The following ASPM variants were observed in gnomAD, a reference collection of about 807,000 sequenced individuals.
ASPM encodes the protein assembly factor for spindle microtubules.
Under a neutral mutation model 366.4 loss-of-function variants are expected in ASPM, and 256 were observed. That is an observed-to-expected ratio of 0.70 (90% CI 0.63 to 0.77). The LOEUF (loss-of-function observed/expected upper bound fraction) is 0.77. ASPM is among the 30% of genes least tolerant of loss of function. The pLI, the probability that ASPM is intolerant of heterozygous loss-of-function variation, is 0.00. For missense variants in ASPM, 4,146 were observed against 4,090.4 expected (o/e 1.01, Z -0.37); for synonymous variants, 1,414 against 1,342.9 (o/e 1.05, Z -1.16).
chr1:197,088,034 T>A (rs1454470322), intron 26 of ASPM, among the ~76,000 whole-genome samples: 2 of 152,224 alleles, frequency 1.3e-5, no homozygotes, highest in Non-Finnish European at 2.9e-5. Flanking sequence ...TGGTTACTTA[T>A]ATGGCTGTAA....
rs182354594 is a variant in ASPM at position 197,094,095 on chromosome 1, A to G, written c.9073T>C (p.Leu3025=). 1.9e-6 allele frequency: 3 copies of G among 1,582,488 alleles called. No individual in the cohort carries two copies. The highest frequency in any genetic ancestry group is 2.6e-6 in the Non-Finnish European group (3 of 1,156,170). The stretch of plus-strand genomic sequence containing the variant: ...TTTTTAATACCTACTTTTATCATTA[A>G]GAAGTGTTCATGAGCTATCTTTGCA... ...LPAKIAHEHF[L]MIKRHRAACL... The change falls in exon 20 of 28, where the codon TTA becomes CTA. Residue 3025 remains leucine (L), a synonymous_variant. Coordinates refer to ENST00000367409, the MANE Select transcript of ASPM (RefSeq NM_018136.5).
intron 4 of ASPM, chr1:197,138,740 A>G (rs1295255140): frequency 4.2e-6 from 3 of 706,738 alleles, no homozygotes; most frequent in Non-Finnish European, 7.7e-6. Context: ...GAAAATTAAG[A>G]GAAACGATTA....
chr1:197,121,405 C>T (rs1209246257), intron 16 of ASPM, among the ~76,000 whole-genome samples: 1 of 152,056 alleles, frequency 6.6e-6, no homozygotes, highest in Non-Finnish European at 1.5e-5. Context: ...AACCAAAATA[C>T]CACTTTTAAA....
intron 20 of ASPM, 110 bp downstream of exon 20, chr1:197,093,974 C>CT (rs1656879637): frequency 4.0e-6 from 3 of 747,022 alleles, no homozygotes; most frequent in South Asian, 3.9e-5. Context: ...CTTAAAAACA[C>CT]TTTTTTTCCA....
At chr1:197,124,422 G>A in intron 12 of ASPM, 91 bp from the exon 13 acceptor site, 2 of 943,718 alleles carry the variant, frequency 2.1e-6, no homozygotes, top group Non-Finnish European at 1.6e-6. Flanking sequence ...CTTCTATTTA[G>A]AGAAACTGTA....
At chr1:197,096,699 T>C (rs1312744906) in intron 18 of ASPM, among the ~76,000 whole-genome samples, 1 of 151,730 alleles carries the variant, frequency 6.6e-6, no homozygotes, top group Non-Finnish European at 1.5e-5. Context: ...CTACAACTTA[T>C]TGAACTAAGC....
intron 20 of ASPM, 97 bp downstream of exon 20, chr1:197,093,987 G>T (rs1342767189): frequency 6.1e-6 from 5 of 823,076 alleles, no homozygotes; most frequent in Non-Finnish European, 7.6e-6. Flanking sequence ...TTTTTCCAGC[G>T]AAGGATTTAT....
Position 197,094,066 on chromosome 1 carries a change from T to C in ASPM, c.9084+18A>G. The C allele has an allele frequency of 7.1e-7, 1 of 1,418,046 alleles. No individual in the cohort carries two copies. The highest frequency in any genetic ancestry group is 9.8e-7 in the Non-Finnish European group (1 of 1,017,556). The allele number at this position is 1,418,046 out of a possible 1,614,324, so 87.8% of individuals were successfully genotyped here. ...CCTAAAGTAGTTATTTGCAAGTGAA[T>C]TAATTTTTAATACCTACTTTTATCA... is the stretch of plus-strand genomic sequence containing the variant. On this transcript the variant is annotated intron_variant, in intron 20 of 27. Coordinates refer to ENST00000367409, the MANE Select transcript of ASPM (RefSeq NM_018136.5).
intron 18 of ASPM, among the ~76,000 whole-genome samples, chr1:197,099,072 T>C (rs1657073234): frequency 6.6e-6 from 1 of 151,668 alleles, no homozygotes; most frequent in African/African-American, 2.4e-5. Flanking sequence ...TCCTTGTTCA[T>C]GCTCTATATA....
At position 197,100,400 on chromosome 1, in the gene ASPM, A is replaced by G. The variant is rs1262903675; in HGVS notation, c.8820+31T>C. ...AATATTGGTCAAAAGAAAGACTCAC[A>G]GTTTTATATTTAAATTAAATATAGA... On this transcript the variant is annotated intron_variant, in intron 18 of 27. Coordinates refer to ENST00000367409, the MANE Select transcript of ASPM (RefSeq NM_018136.5). 2.2e-6 allele frequency: 3 copies of G among 1,338,170 alleles called. No homozygotes were observed. In the East Asian group the frequency reaches 7.6e-5, roughly 34 times the overall value. The allele number at this position is 1,338,170 out of a possible 1,614,324, so 82.9% of individuals were successfully genotyped here.
rs1320344035 is a variant in ASPM at position 197,146,199 on chromosome 1, G to A, written c.239C>T (p.Ser80Phe). ...GCCCAGGTCCGCGGCCGGGAAGTGG[G>A]AGATCTTCACTTCTGCCACCTCCTC... ...PNEEVAEVKISHFPAADLGFS... is the reference protein window; with the variant it reads ...PNEEVAEVKIFHFPAADLGFS... The change falls in exon 1 of 28, where the codon TCC (serine) becomes TTC (phenylalanine). Residue 80 changes from serine (S) to phenylalanine (F), a missense_variant. Transcript: ENST00000367409. The A allele has an allele frequency of 4.3e-6, 7 of 1,614,056 alleles. No individual in the cohort carries two copies. The highest frequency in any genetic ancestry group is 1.7e-5 in the Admixed American group (1 of 60,026).
At position 197,146,439 on chromosome 1, in the gene ASPM, G is replaced by T; in HGVS notation, c.-2C>A. Reference sequence around the variant, plus strand: ...TCGCCCCACTCGCCGGTTCGCCATGGCAGATTCGAGACCCCTCCTGGATCT... The same window carrying T: ...TCGCCCCACTCGCCGGTTCGCCATGTCAGATTCGAGACCCCTCCTGGATCT... On this transcript the variant is annotated 5_prime_UTR_variant, in exon 1 of 28. Coordinates refer to ENST00000367409, the MANE Select transcript of ASPM (RefSeq NM_018136.5). 1 of 1,606,314 alleles carries T rather than the reference G, an allele frequency of 6.2e-7. No individual in the cohort carries two copies. Among genetic ancestry groups the T allele is most frequent in the Non-Finnish European group, 8.5e-7 (1 of 1,179,460 alleles).
intron 19 of ASPM, among the ~76,000 whole-genome samples, chr1:197,095,635 C>A (rs976257017): frequency 2.0e-5 from 3 of 151,546 alleles, no homozygotes; most frequent in African/African-American, 7.3e-5. Context: ...CAAATTTTGC[C>A]AGTAGTTAAG....
intron 7 of ASPM, 115 bp downstream of exon 7, chr1:197,132,170 A>G: frequency 1.3e-6 from 1 of 779,658 alleles, no homozygotes; most frequent in Non-Finnish European, 2.0e-6. Flanking sequence ...GAATCAAGCT[A>G]ACCTAATGAC....
At chr1:197,141,975 A>G (rs1658597002) in intron 3 of ASPM, among the ~76,000 whole-genome samples, 1 of 152,198 alleles carries the variant, frequency 6.6e-6, no homozygotes, top group South Asian at 2.1e-4. Flanking sequence ...GGCTGCCTCA[A>G]ACAAACAGTA....
In ASPM at chr1:197,103,825, T is replaced by C. The variant is rs1416589127; in HGVS notation, c.5426A>G (p.Gln1809Arg). ...TACTTTATAACCTCTGTAAGCTGCT[T>C]GCAAGCAAGTAGCTGCTTTTTTGAC... ...LQVKKAATCLQAAYRGYKVRQ... is the reference protein window; with the variant it reads ...LQVKKAATCLRAAYRGYKVRQ... The change falls in exon 18 of 28, where the codon CAA becomes CGA. Residue 1809 changes from glutamine to arginine, a missense_variant. By Grantham distance (43) the Gln-to-Arg change is conservative (BLOSUM62 1). Coordinates refer to ENST00000367409, the MANE Select transcript of ASPM (RefSeq NM_018136.5). The C allele has an allele frequency of 6.2e-7, 1 of 1,612,928 alleles. No homozygotes were observed.
At chr1:197,094,001 TA>T in intron 20 of ASPM, 82 bp downstream of exon 20, 2 of 987,846 alleles carry the variant, frequency 2.0e-6, no homozygotes, top group Non-Finnish European at 3.0e-6. Context: ...GATTTATTTT[TA>T]AAAATTAAAA....
intron 10 of ASPM, 93 bp downstream of exon 10, chr1:197,128,397 G>T: frequency 2.4e-6 from 3 of 1,259,668 alleles, no homozygotes; most frequent in Non-Finnish European, 3.4e-6. Context: ...TGTACTACTT[G>T]AAAGAGCAAG....
intron 16 of ASPM, among the ~76,000 whole-genome samples, chr1:197,118,833 A>G (rs777840410): frequency 5.9e-5 from 9 of 152,140 alleles, no homozygotes; most frequent in Non-Finnish European, 1.3e-4. Context: ...TAACTTTGCT[A>G]TACTGTCCAA....
Sources: gnomAD v4.1 joint callset for allele counts (sites outside exome capture counted in the v4.1 genomes callset) on GRCh38, gnomAD v4.1.1 for gene constraint, MANE v1.5 for transcripts, NCBI Gene and HGNC (gene_info 2026-07-23, HGNC 2026-07-21) for gene names.